Variants in MARCHF1 observed in about 807,000 individuals in gnomAD.
MARCHF1 encodes the protein E3 ubiquitin-protein ligase MARCHF1.
MARCHF1 carries 40 observed loss-of-function variants against 54.2 expected under a neutral mutation model. The observed-to-expected ratio is 0.74, with a 90% CI of 0.57 to 0.96. The LOEUF is 0.96. Ranked by LOEUF, MARCHF1 falls within the 40% of genes least tolerant of loss-of-function variation. The probability of loss-of-function intolerance (pLI) is 0.00; values close to 1 mark genes in which losing one functional copy is unlikely to be tolerated. For synonymous variants in MARCHF1, 236 were observed against 236.3 expected, an observed-to-expected ratio of 1.00 and a Z score of 0.01; for missense variants, 586 against 656.5, an observed-to-expected ratio of 0.89 and a Z score of 1.17.
At chr4:163,676,189 A>AC (rs1743910751) in intron 5 of MARCHF1, among the ~76,000 whole-genome samples, 1 of 69,006 alleles carries the variant, frequency 1.4e-5, no homozygotes, top group African/African-American at 4.0e-5. Flanking sequence ...AAAATACAAA[A>AC]AAAAAAAAAA....
At chr4:163,973,705 G>T (rs1752595148) in intron 3 of MARCHF1, among the ~76,000 whole-genome samples, 1 of 152,122 alleles carries the variant, frequency 6.6e-6, no homozygotes, top group South Asian at 2.1e-4. Context: ...AAGAAATATT[G>T]CAAGAAATGA....
chr4:163,908,728 C>A (rs964000752), intron 3 of MARCHF1, among the ~76,000 whole-genome samples: 2 of 152,058 alleles, frequency 1.3e-5, no homozygotes, highest in Non-Finnish European at 2.9e-5. Context: ...ATGGTGGCCC[C>A]AGGAGTCTTG....
chr4:163,751,258 C>T (rs1395761265), intron 4 of MARCHF1, among the ~76,000 whole-genome samples: 1 of 151,922 alleles, frequency 6.6e-6, no homozygotes, highest in African/African-American at 2.4e-5. Context: ...GCCTCAAACT[C>T]CTGGCCTCAA....
At chr4:163,634,317 T>A (rs989726370) in intron 5 of MARCHF1, among the ~76,000 whole-genome samples, 6 of 140,122 alleles carry the variant, frequency 4.3e-5, no homozygotes, top group African/African-American at 1.5e-4. Context: ...GGATAAAGAG[T>A]CAAGACCCAT....
At chr4:163,722,925 AG>A (rs1308232647) in intron 4 of MARCHF1, among the ~76,000 whole-genome samples, 1 of 152,074 alleles carries the variant, frequency 6.6e-6, no homozygotes, top group Non-Finnish European at 1.5e-5. Flanking sequence ...TGTCTCTGCA[AG>A]TGAGATGGGT....
intron 1 of MARCHF1, among the ~76,000 whole-genome samples, chr4:164,170,479 C>T (rs1239847743): frequency 6.6e-6 from 1 of 152,048 alleles, no homozygotes; most frequent in African/African-American, 2.4e-5. Context: ...AATGAGATAG[C>T]ATTATCTTTT....
At chr4:164,060,421 G>C (rs1189789527) in intron 2 of MARCHF1, among the ~76,000 whole-genome samples, 1 of 152,030 alleles carries the variant, frequency 6.6e-6, no homozygotes, top group Admixed American at 6.6e-5. Flanking sequence ...TACATTAATA[G>C]AAAATAGTTC....
chr4:163,820,068 C>A (rs1464450289), intron 4 of MARCHF1, among the ~76,000 whole-genome samples: 1 of 152,056 alleles, frequency 6.6e-6, no homozygotes, highest in Non-Finnish European at 1.5e-5. Context: ...TCTTCCATAG[C>A]CCAATTTTTT....
chr4:163,650,863 G>A (rs935571993), intron 5 of MARCHF1, among the ~76,000 whole-genome samples: 8 of 151,840 alleles, frequency 5.3e-5, no homozygotes, highest in South Asian at 2.1e-4. Flanking sequence ...ATATGTTGTC[G>A]TCGTAGAAAG....
intron 8 of MARCHF1, among the ~76,000 whole-genome samples, chr4:163,577,268 G>T (rs1025334784): frequency 6.6e-6 from 1 of 152,000 alleles, no homozygotes; most frequent in Non-Finnish European, 1.5e-5. Context: ...TTATAAGACT[G>T]GTCTAGTGGT....
At chr4:163,552,292 T>C (rs1313477887) in intron 8 of MARCHF1, among the ~76,000 whole-genome samples, 3 of 152,156 alleles carry the variant, frequency 2.0e-5, no homozygotes, top group Non-Finnish European at 4.4e-5. Context: ...GGGCCATGTG[T>C]CCAGATGGAC....
chr4:164,276,485 TGTGTGTAC>T (rs1303182492), intron 1 of MARCHF1, among the ~76,000 whole-genome samples: 1 of 152,000 alleles, frequency 6.6e-6, no homozygotes, highest in Non-Finnish European at 1.5e-5. Flanking sequence ...CACATATGCA[TGTGTGTAC>T]ATGTGCACAC....
intron 4 of MARCHF1, among the ~76,000 whole-genome samples, chr4:163,848,682 C>T (rs554090342): frequency 1.5e-4 from 23 of 152,044 alleles, no homozygotes; most frequent in Admixed American, 7.9e-4. Context: ...AGAGGTTTCT[C>T]CCCTGGCTGT....
chr4:163,686,379 G>A (rs1412969798), intron 5 of MARCHF1, among the ~76,000 whole-genome samples: 2 of 151,392 alleles, frequency 1.3e-5, no homozygotes, highest in Admixed American at 1.3e-4. Context: ...ACATGGGAGT[G>A]AATAAACGTA....
intron 3 of MARCHF1, among the ~76,000 whole-genome samples, chr4:163,929,998 T>A (rs566468930): frequency 7.9e-6 from 1 of 125,914 alleles, no homozygotes; most frequent in African/African-American, 3.0e-5. Flanking sequence ...ATATAATATA[T>A]TATATATAAA....
chr4:164,309,536 TAGA>T (rs1734791584), intron 1 of MARCHF1, among the ~76,000 whole-genome samples: 1 of 152,210 alleles, frequency 6.6e-6, no homozygotes, highest in Non-Finnish European at 1.5e-5. Context: ...TTATTTAGAT[TAGA>T]AGAAGTGGCT....
intron 4 of MARCHF1, among the ~76,000 whole-genome samples, chr4:163,782,102 T>C (rs549289042): frequency 4.4e-4 from 56 of 128,046 alleles, no homozygotes; most frequent in African/African-American, 1.5e-3. Flanking sequence ...TTGAGGGATA[T>C]ATTTAACTGC....
intron 1 of MARCHF1, among the ~76,000 whole-genome samples, chr4:164,255,989 A>T (rs1733269215): frequency 6.6e-6 from 1 of 152,070 alleles, no homozygotes; most frequent in East Asian, 1.9e-4. Context: ...TCACAAAGAC[A>T]TTCACAAGAA....
intron 1 of MARCHF1, among the ~76,000 whole-genome samples, chr4:164,205,379 T>A (rs1398912829): frequency 1.3e-5 from 2 of 152,194 alleles, no homozygotes; most frequent in Non-Finnish European, 2.9e-5. Flanking sequence ...ATAAGGCTTA[T>A]GTAGGATAAG....
Sources: allele counts gnomAD v4.1 joint callset (sites outside exome capture counted in the v4.1 genomes callset), GRCh38; gene constraint gnomAD v4.1.1; transcripts MANE v1.5; gene names NCBI Gene and HGNC (gene_info 2026-07-23, HGNC 2026-07-21).